The following FCF1 variants were observed in gnomAD, a reference collection of about 807,000 sequenced individuals.
FCF1 encodes the protein rRNA-processing protein FCF1 homolog.
FCF1 carries 17 observed loss-of-function variants against 32.5 expected under a neutral mutation model. The ratio of observed to expected loss-of-function variants is 0.52; its 90% confidence interval spans 0.36 to 0.78. The LOEUF is 0.78. Among genes scored for constraint, FCF1 ranks in the 30% least tolerant of loss-of-function variants. The probability of loss-of-function intolerance (pLI) is 0.00; values close to 1 mark genes in which losing one functional copy is unlikely to be tolerated. For synonymous variants in FCF1, 84 were observed against 78.4 expected, an observed-to-expected ratio of 1.07 and a Z score of -0.38; for missense variants, 201 against 241.1, an observed-to-expected ratio of 0.83 and a Z score of 1.10.
intron 2 of FCF1, among the ~76,000 whole-genome samples, chr14:74,714,329 C>G (rs114161660): frequency 0.02 from 3,016 of 152,216 alleles, 88 homozygotes; most frequent in African/African-American, 0.069. Context: ...AGAGAATAGT[C>G]GTTAAAACCT....
rs778247006 is a variant in FCF1, at chr14:74,713,516, C to T, written c.35C>T (p.Thr12Ile). 202 of 1,612,194 alleles carry T rather than the reference C, an allele frequency of 1.3e-4. No homozygotes were observed. Among genetic ancestry groups the T allele is most frequent in the South Asian group, 3.8e-4 (35 of 91,000 alleles). The change falls in exon 2 of 8, where the codon ACC (threonine) becomes ATC (isoleucine). Residue 12 changes from threonine to isoleucine, a missense_variant. Thr to Ile is a moderately conservative substitution (Grantham distance 89). Transcript: ENST00000341162. ...GKQKKTRKYA[T>I]MKRMLSLRDQ... Reference sequence around the variant, plus strand: ...CAAAAGAAAACAAGGAAGTATGCGACCATGAAGCGAATGCTTAGTCTCAGA... The same window carrying T: ...CAAAAGAAAACAAGGAAGTATGCGATCATGAAGCGAATGCTTAGTCTCAGA...
At chr14:74,716,810 G>A (rs1275442639) in intron 4 of FCF1, among the ~76,000 whole-genome samples, 3 of 152,122 alleles carry the variant, frequency 2.0e-5, no homozygotes, top group Non-Finnish European at 4.4e-5. Flanking sequence ...ATGAAAATTA[G>A]ACTTAAACTT....
At chr14:74,729,617 A>G (rs1276464466) in intron 5 of FCF1, among the ~76,000 whole-genome samples, 2 of 151,664 alleles carry the variant, frequency 1.3e-5, no homozygotes, top group African/African-American at 2.4e-5. Context: ...TCCTGCTCTG[A>G]TTTTAGTTAT....
Position 74,735,117 on chromosome 14 carries a change from A to G in FCF1, c.*187A>G. 1.9e-6 allele frequency: 1 copy of G among 528,862 alleles called. No homozygotes were observed. The highest frequency in any genetic ancestry group is 3.4e-6 in the Non-Finnish European group (1 of 295,634). 32.8% of individuals were successfully genotyped at this position (528,862 alleles called of 1,614,324 possible). On this transcript the variant is annotated 3_prime_UTR_variant, in exon 8 of 8. Coordinates refer to ENST00000341162, the MANE Select transcript of FCF1 (RefSeq NM_015962.5). ...AAAGGACTGAACCCTGAACAGAGTT[A>G]AGTTACCTTTTAAGCATTTTGTGGG...
chr14:74,717,236 G>A (rs1311012699), intron 4 of FCF1, among the ~76,000 whole-genome samples: 1 of 152,094 alleles, frequency 6.6e-6, no homozygotes, highest in Non-Finnish European at 1.5e-5. Context: ...CGTGACTGTA[G>A]TCCCAGCTAC....
chr14:74,730,409 T>A (rs78401867), intron 5 of FCF1, among the ~76,000 whole-genome samples: 3,709 of 151,702 alleles, frequency 0.024, 71 homozygotes, highest in Non-Finnish European at 0.036. Context: ...TGGCTAATTT[T>A]AAAAAAAAAT....
intron 4 of FCF1, among the ~76,000 whole-genome samples, chr14:74,718,115 T>C (rs1205017175): frequency 6.6e-6 from 1 of 152,212 alleles, no homozygotes; most frequent in African/African-American, 2.4e-5. Flanking sequence ...TCCACCCACC[T>C]CGGCCTCCCG....
At position 74,735,168 on chromosome 14, in the gene FCF1, G is replaced by T; in HGVS notation, c.*238G>T. On this transcript the variant is annotated 3_prime_UTR_variant, in exon 8 of 8. Transcript: ENST00000341162. The stretch of plus-strand genomic sequence containing the variant: ...GCCGCGGGGGTTGGGGGGAATCTGT[G>T]CAGGGGGAAGCATATTACAGAAGCA... The T allele has an allele frequency of 2.3e-6, 1 of 438,586 alleles. No homozygotes were observed. Among genetic ancestry groups the T allele is most frequent in the Non-Finnish European group, 4.1e-6 (1 of 245,558 alleles). The allele number at this position is 438,586 out of a possible 1,614,324, so 27.2% of individuals were successfully genotyped here.
rs781097178 is a variant in FCF1 at position 74,734,102 on chromosome 14, T to C, written c.480T>C (p.Val160=). The change falls in exon 7 of 8, where the codon GTT becomes GTC. Residue 160 remains valine, a synonymous_variant. Transcript: ENST00000341162. ...ATAAGTGTTACATTGTGGCCACAGTTGACCGGGACCTGAAAAGAAGAATCC... is the reference window on the plus strand; with the variant it reads ...ATAAGTGTTACATTGTGGCCACAGTCGACCGGGACCTGAAAAGAAGAATCC... ...TQHKCYIVAT[V]DRDLKRRIRK... 6 of 1,613,726 alleles carry C rather than the reference T, an allele frequency of 3.7e-6. No homozygotes were observed. In the Admixed American group the frequency reaches 8.3e-5, roughly 22 times the overall value.
In FCF1 at chr14:74,714,914, G is replaced by A; in HGVS notation, c.114G>A (p.Lys38=). Reference sequence around the variant, plus strand: ...TAAAACCTAAAAAGAAAGAAAAGAAGGATCCCAGCGCATTAAAGGAAAGAG... The same window carrying A: ...TAAAACCTAAAAAGAAAGAAAAGAAAGATCCCAGCGCATTAAAGGAAAGAG... ...DRLKPKKKEK[K]DPSALKEREV... is the part of the protein sequence containing the mutation. Residue 38 remains lysine, a synonymous_variant, in exon 3 of 8, where the codon AAG becomes AAA. Coordinates refer to ENST00000341162, the MANE Select transcript of FCF1 (RefSeq NM_015962.5). 6.3e-7 allele frequency: 1 copy of A among 1,597,810 alleles called. No homozygotes were observed. The highest frequency in any genetic ancestry group is 1.7e-4 in the Middle Eastern group (1 of 6,024).
chr14:74,713,417 G>C (rs748337163), intron 1 of FCF1, 68 bp from the exon 2 acceptor site: 3 of 1,562,504 alleles, frequency 1.9e-6, no homozygotes, highest in Non-Finnish European at 2.6e-6. Context: ...ATAGACAAGA[G>C]AAAAGAAGAG....
intron 7 of FCF1, 141 bp downstream of exon 7, chr14:74,734,311 CAA>C (rs1374195873): frequency 5.4e-6 from 3 of 554,480 alleles, no homozygotes; most frequent in Non-Finnish European, 9.5e-6. Flanking sequence ...AGAAATGAGA[CAA>C]AGCAAGAGCA....
chr14:74,734,833 G>T, intron 7 of FCF1, 49 bp from the exon 8 acceptor site: 1 of 1,522,328 alleles, frequency 6.6e-7, no homozygotes, highest in Middle Eastern at 1.7e-4. Context: ...TTTTTAGATG[G>T]GTTCTCTTCC....
In FCF1 at chr14:74,735,118, A is replaced by G; in HGVS notation, c.*188A>G. On this transcript the variant is annotated 3_prime_UTR_variant, in exon 8 of 8. Transcript: ENST00000341162. ...AAGGACTGAACCCTGAACAGAGTTA[A>G]GTTACCTTTTAAGCATTTTGTGGGG... 3 of 346,446 alleles carry G rather than the reference A, an allele frequency of 8.7e-6. No homozygotes were observed. The highest frequency in any genetic ancestry group is 2.7e-5 in the South Asian group (1 of 37,192). The allele number at this position is 346,446 out of a possible 1,614,324, so 21.5% of individuals were successfully genotyped here.
intron 5 of FCF1, among the ~76,000 whole-genome samples, chr14:74,726,015 C>T (rs529198579): frequency 8.0e-5 from 12 of 150,344 alleles, no homozygotes. Flanking sequence ...GCTATGATCA[C>T]ACCACTCCAC....
Position 74,735,082 on chromosome 14 carries a change from A to G in FCF1, c.*152A>G, listed in dbSNP as rs779335848. 13 of 625,094 alleles carry G rather than the reference A, an allele frequency of 2.1e-5. No individual in the cohort carries two copies. The highest frequency in any genetic ancestry group is 3.7e-5 in the Non-Finnish European group (13 of 353,282). 38.7% of individuals were successfully genotyped at this position (625,094 alleles called of 1,614,324 possible). A position where few individuals can be genotyped will look rare whatever the true frequency, so the allele number is the denominator to read the frequency against. On this transcript the variant is annotated 3_prime_UTR_variant, in exon 8 of 8. Coordinates refer to ENST00000341162, the MANE Select transcript of FCF1 (RefSeq NM_015962.5). ...TATTTAGGTGCACCAGCCCAGTCAGATTAACATCCAAAGGACTGAACCCTG... is the reference window on the plus strand; with the variant it reads ...TATTTAGGTGCACCAGCCCAGTCAGGTTAACATCCAAAGGACTGAACCCTG...
At chr14:74,729,297 T>C (rs1476447110) in intron 5 of FCF1, among the ~76,000 whole-genome samples, 1 of 152,054 alleles carries the variant, frequency 6.6e-6, no homozygotes, top group African/African-American at 2.4e-5. Context: ...ATTGGTCTAT[T>C]CAGAGATTCA....
At chr14:74,715,030 T>C (rs1373606213) in intron 3 of FCF1, 87 bp downstream of exon 3, 4 of 1,347,010 alleles carry the variant, frequency 3.0e-6, no homozygotes, top group Middle Eastern at 1.9e-4. Context: ...TGCTAACTTA[T>C]TTGTTAGTAA....
intron 6 of FCF1, 143 bp from the exon 7 acceptor site, chr14:74,733,933 T>G (rs1470798277): frequency 3.6e-6 from 2 of 550,030 alleles, no homozygotes; most frequent in African/African-American, 1.9e-5. Context: ...TAGTAGGTAC[T>G]CAACAAATTG....
Sources: allele counts gnomAD v4.1 joint callset (sites outside exome capture counted in the v4.1 genomes callset), GRCh38; gene constraint gnomAD v4.1.1; transcripts MANE v1.5; gene names NCBI Gene and HGNC (gene_info 2026-07-23, HGNC 2026-07-21).